Variants in PTPRB observed in about 807,000 individuals in gnomAD.
The protein encoded by PTPRB is receptor-type tyrosine-protein phosphatase beta.
Under a neutral mutation model 238.1 loss-of-function variants are expected in PTPRB, and 97 were observed. That is an observed-to-expected ratio of 0.41 (90% CI 0.35 to 0.48). The LOEUF (loss-of-function observed/expected upper bound fraction) is 0.48, where lower values mean the gene tolerates loss of function less well. Among genes scored for constraint, PTPRB ranks in the 20% least tolerant of loss-of-function variants. The pLI is 0.30. For missense variants in PTPRB, 2,292 were observed against 2,681.9 expected (o/e 0.85, Z 3.21); for synonymous variants, 970 against 995.4 (o/e 0.97, Z 0.48).
chr12:70,577,111 G>A (rs1026773207), intron 10 of PTPRB, among the ~76,000 whole-genome samples: 3 of 152,184 alleles, frequency 2.0e-5, no homozygotes, highest in Admixed American at 6.5e-5. Flanking sequence ...ACCTTAAACT[G>A]GGATAGCTTC....
At chr12:70,592,594 A>G in intron 6 of PTPRB, 49 bp from the exon 7 acceptor site, 1 of 1,566,266 alleles carries the variant, frequency 6.4e-7, no homozygotes. Flanking sequence ...ATCTCTCACA[A>G]GTCCTATGGC....
chr12:70,552,557 A>G (rs1407527482), intron 21 of PTPRB, among the ~76,000 whole-genome samples: 1 of 151,900 alleles, frequency 6.6e-6, no homozygotes, highest in Non-Finnish European at 1.5e-5. Context: ...TCTTCCCTTA[A>G]TGAACTGGAG....
At chr12:70,582,796 T>G (rs1413576738) in intron 9 of PTPRB, among the ~76,000 whole-genome samples, 1 of 152,042 alleles carries the variant, frequency 6.6e-6, no homozygotes, top group East Asian at 1.9e-4. Flanking sequence ...AAAAAACTGA[T>G]AAATTGGACA....
At chr12:70,545,902 C>T (rs1356893404) in intron 21 of PTPRB, among the ~76,000 whole-genome samples, 1 of 152,104 alleles carries the variant, frequency 6.6e-6, no homozygotes, top group Non-Finnish European at 1.5e-5. Context: ...TTTGGGAGGC[C>T]AAGGCAGGCA....
intron 2 of PTPRB, among the ~76,000 whole-genome samples, chr12:70,623,909 G>C (rs927263043): frequency 6.6e-6 from 1 of 151,862 alleles, no homozygotes; most frequent in Non-Finnish European, 1.5e-5. Flanking sequence ...AGTGCATTTC[G>C]TATGATAATG....
intron 13 of PTPRB, among the ~76,000 whole-genome samples, chr12:70,570,588 A>G (rs1879914958): frequency 6.6e-6 from 1 of 152,120 alleles, no homozygotes; most frequent in Non-Finnish European, 1.5e-5. Context: ...GGCTCAAGCT[A>G]TCCTCCTGCC....
At chr12:70,551,936 C>T (rs1049412014) in intron 21 of PTPRB, among the ~76,000 whole-genome samples, 4 of 152,240 alleles carry the variant, frequency 2.6e-5, no homozygotes, top group South Asian at 2.1e-4. Context: ...TGCTCCTTTT[C>T]ATTAGTCATC....
chr12:70,607,656 C>G (rs1884067383), intron 4 of PTPRB, among the ~76,000 whole-genome samples: 1 of 151,742 alleles, frequency 6.6e-6, no homozygotes, highest in East Asian at 1.9e-4. Context: ...TCTGCCTCAG[C>G]CTCCCAAGTA....
At chr12:70,525,482 A>G (rs1351726004) in intron 32 of PTPRB, 1 of 152,250 alleles carries the variant, frequency 6.6e-6, no homozygotes, top group Non-Finnish European at 1.5e-5. Context: ...ACGTGGAAGA[A>G]TCTCAAAGAT....
In PTPRB at chr12:70,535,576, A is replaced by G. The variant is rs147211017; in HGVS notation, c.6081+449T>C. ...TTTTAATCCTCAAAATAACCATATA[A>G]AGTAGAGGATGGTAAGTGCATTACA... On this transcript the variant is annotated intron_variant, in intron 29 of 33. Coordinates refer to ENST00000334414, the MANE Select transcript of PTPRB (RefSeq NM_001109754.4). Among the ~76,000 whole-genome samples, 267 of 152,240 alleles carry G rather than the reference A, an allele frequency of 1.8e-3. 1 individual carries two copies. Among genetic ancestry groups the G allele is most frequent in the African/African-American group, 6.2e-3 (258 of 41,554 alleles).
At position 70,555,771 on chromosome 12, in the gene PTPRB, T is replaced by C; in HGVS notation, c.4993+99A>G. The C allele has an allele frequency of 4.2e-6, 6 of 1,413,052 alleles. No homozygotes were observed. The South Asian group carries it at 5.6e-5, about 13-fold the overall frequency. 87.5% of individuals were successfully genotyped at this position (1,413,052 alleles called of 1,614,324 possible). On this transcript the variant is annotated intron_variant, in intron 19 of 33. Transcript: ENST00000334414. ...GACAGGCTTATGCAAAAGTGAAGTG[T>C]ATGCAAGTGAATAGCAGTGATGGAT... is the stretch of plus-strand genomic sequence containing the variant.
rs1326733256 is a variant in PTPRB, at chr12:70,518,192, G to A, written c.*3297C>T. 3 of 152,156 alleles carry A rather than the reference G, an allele frequency of 2.0e-5. No homozygotes were observed. Among genetic ancestry groups the A allele is most frequent in the Non-Finnish European group, 2.9e-5 (2 of 68,056 alleles). 9.4% of individuals were successfully genotyped at this position (152,156 alleles called of 1,614,324 possible). On this transcript the variant is annotated 3_prime_UTR_variant, in exon 34 of 34. Transcript: ENST00000334414. The stretch of plus-strand genomic sequence containing the variant: ...TCACTCTTGTAATCCTAGCACTTTG[G>A]GAGGTTGAGGTGGGTGGATCACCTA...
intron 3 of PTPRB, among the ~76,000 whole-genome samples, chr12:70,622,069 C>T (rs1479372863): frequency 6.6e-6 from 1 of 152,208 alleles, no homozygotes; most frequent in African/African-American, 2.4e-5. Context: ...CTGCAGGGCA[C>T]TGATTTCAAT....
At chr12:70,562,084 A>G (rs1024056641) in intron 16 of PTPRB, among the ~76,000 whole-genome samples, 2 of 152,238 alleles carry the variant, frequency 1.3e-5, no homozygotes, top group Non-Finnish European at 2.9e-5. Context: ...AGCCTGGGCA[A>G]TACAGGGAGG....
At chr12:70,530,084 A>G (rs962796290) in intron 32 of PTPRB, among the ~76,000 whole-genome samples, 5 of 152,170 alleles carry the variant, frequency 3.3e-5, no homozygotes, top group Admixed American at 1.3e-4. Flanking sequence ...TGGAAAACAA[A>G]TGGGAGGGAG....
At chr12:70,559,248 A>G in intron 18 of PTPRB, 95 bp downstream of exon 18, 1 of 1,338,998 alleles carries the variant, frequency 7.5e-7, no homozygotes, top group South Asian at 1.2e-5. Flanking sequence ...CCCATGTAAA[A>G]ATATGGATTT....
intron 32 of PTPRB, among the ~76,000 whole-genome samples, chr12:70,529,824 AAG>A (rs1242842881): frequency 1.3e-5 from 2 of 152,158 alleles, no homozygotes; most frequent in Admixed American, 1.3e-4. Context: ...TCAGCGCTGA[AAG>A]AGAGACAGAC....
Position 70,609,248 on chromosome 12 carries a change from C to G in PTPRB, c.800G>C (p.Gly267Ala). The G allele has an allele frequency of 6.2e-7, 1 of 1,614,024 alleles. No individual in the cohort carries two copies. Among genetic ancestry groups the G allele is most frequent in the Non-Finnish European group, 8.5e-7 (1 of 1,179,890 alleles). Residue 267 changes from glycine (G) to alanine (A), a missense_variant, in exon 4 of 34, where the codon GGC becomes GCC. Gly to Ala is a moderately conservative substitution (Grantham distance 60). Around this residue, in one of 4 missense-constraint regions of PTPRB, gnomAD observed 1,205 missense variants for 1,287.8 expected, o/e 0.94. Coordinates refer to ENST00000334414, the MANE Select transcript of PTPRB (RefSeq NM_001109754.4). ...HSVSIQWRIL[G>A]SPCNFSLIYS... ...GATGAGGCTAAAGTTACAGGGTGAG[C>G]CCAAAATTCTCCACTGGATAGACAC...
chr12:70,553,804 G>C lies in PTPRB; in HGVS notation c.5144-784C>G, dbSNP rs114375042. On this transcript the variant is annotated intron_variant, in intron 20 of 33. Coordinates refer to ENST00000334414, the MANE Select transcript of PTPRB (RefSeq NM_001109754.4). ...CATAAGTGAGTCTTAGAAATATTTT[G>C]TTGGCAGTAGTTAAAAAGAAATGTT... Among the ~76,000 whole-genome samples, 810 of 152,324 alleles carry C rather than the reference G, an allele frequency of 5.3e-3. 10 individuals carry two copies. Among genetic ancestry groups the C allele is most frequent in the African/African-American group, 0.018 (763 of 41,572 alleles).
Sources: allele counts gnomAD v4.1 joint callset (sites outside exome capture counted in the v4.1 genomes callset), GRCh38; gene constraint gnomAD v4.1.1; regional missense constraint gnomAD v4.1.1; transcripts MANE v1.5; gene names NCBI Gene and HGNC (gene_info 2026-07-23, HGNC 2026-07-21).